CDK6: variants seen among roughly 807,000 people sequenced by gnomAD.
The protein encoded by CDK6 is cyclin-dependent kinase 6.
In CDK6, 6 loss-of-function variants were observed where a neutral mutation model predicts 37.1. The observed-to-expected ratio is 0.16, with a 90% CI of 0.09 to 0.32. The LOEUF (loss-of-function observed/expected upper bound fraction) is 0.32. Ranked by LOEUF, CDK6 falls within the 10% of genes least tolerant of loss-of-function variation. The pLI is 1.00. For missense variants in CDK6, 224 were observed against 418.9 expected (o/e 0.53, Z 4.06); for synonymous variants, 160 against 161.3 (o/e 0.99, Z 0.06).
chr7:92,625,278 A>G (rs1419599238), intron 5 of CDK6, among the ~76,000 whole-genome samples: 2 of 151,540 alleles, frequency 1.3e-5, no homozygotes, highest in Non-Finnish European at 2.9e-5. Flanking sequence ...TTCCTGGCCA[A>G]TATTATACAG....
chr7:92,674,960 T>C (rs1332004916), intron 4 of CDK6, among the ~76,000 whole-genome samples: 1 of 152,152 alleles, frequency 6.6e-6, no homozygotes, highest in Non-Finnish European at 1.5e-5. Flanking sequence ...GCCTCCCAGG[T>C]AGCTGGGACT....
chr7:92,631,546 G>A (rs190894227), intron 5 of CDK6, among the ~76,000 whole-genome samples: 1 of 152,290 alleles, frequency 6.6e-6, no homozygotes, highest in Admixed American at 6.5e-5. Flanking sequence ...AATTCAAGAT[G>A]TTATTTCTCT....
At chr7:92,759,931 A>T (rs1203919456) in intron 3 of CDK6, among the ~76,000 whole-genome samples, 1 of 152,090 alleles carries the variant, frequency 6.6e-6, no homozygotes, top group African/African-American at 2.4e-5. Flanking sequence ...TTCAAGAAAA[A>T]CTGAAAATGG....
At chr7:92,795,635 A>C (rs1158282628) in intron 2 of CDK6, among the ~76,000 whole-genome samples, 10 of 152,144 alleles carry the variant, frequency 6.6e-5, no homozygotes, top group Admixed American at 6.6e-4. Context: ...TCATTAAAAC[A>C]ATAGAAGAGA....
chr7:92,832,517 C>T (rs1801515605), intron 2 of CDK6, among the ~76,000 whole-genome samples: 1 of 152,168 alleles, frequency 6.6e-6, no homozygotes, highest in African/African-American at 2.4e-5. Flanking sequence ...ACTCCTTAGA[C>T]CACCAGGAGT....
At chr7:92,758,049 C>T (rs1419120529) in intron 3 of CDK6, among the ~76,000 whole-genome samples, 1 of 151,958 alleles carries the variant, frequency 6.6e-6, no homozygotes, top group African/African-American at 2.4e-5. Flanking sequence ...GATATTATAC[C>T]TTTGTCAGAT....
intron 2 of CDK6, among the ~76,000 whole-genome samples, chr7:92,784,961 A>G (rs1309225401): frequency 1.3e-5 from 2 of 152,186 alleles, no homozygotes; most frequent in Non-Finnish European, 2.9e-5. Context: ...AGACTCAAAC[A>G]CTAAAATATT....
In CDK6 at chr7:92,611,866, G is replaced by A. The variant is rs549190618; in HGVS notation, c.*3274C>T. 1 of 232,306 alleles carries A rather than the reference G, an allele frequency of 4.3e-6. No homozygotes were observed. 14.4% of individuals were successfully genotyped at this position (232,306 alleles called of 1,614,324 possible). A position where few individuals can be genotyped will look rare whatever the true frequency, so the allele number is the denominator to read the frequency against. ...CTAAATGAAAAGTCTGCCATTCACA[G>A]TGTGTGCTTCCTGAGAGAAAATCAT... On this transcript the variant is annotated 3_prime_UTR_variant, in exon 8 of 8. Coordinates refer to ENST00000424848, the MANE Select transcript of CDK6 (RefSeq NM_001145306.2).
intron 2 of CDK6, among the ~76,000 whole-genome samples, chr7:92,779,539 T>G (rs1198452154): frequency 6.6e-6 from 1 of 152,214 alleles, no homozygotes; most frequent in African/African-American, 2.4e-5. Flanking sequence ...ATTATTAACT[T>G]CATTCAGGAA....
At chr7:92,809,458 C>T (rs1237871740) in intron 2 of CDK6, among the ~76,000 whole-genome samples, 1 of 152,186 alleles carries the variant, frequency 6.6e-6, no homozygotes, top group Non-Finnish European at 1.5e-5. Context: ...AATTACCTTC[C>T]CTTACTTGGC....
At chr7:92,723,472 A>C (rs1798414992) in intron 4 of CDK6, among the ~76,000 whole-genome samples, 1 of 152,164 alleles carries the variant, frequency 6.6e-6, no homozygotes. Flanking sequence ...AGACACTAAA[A>C]ATACATACCA....
At chr7:92,688,134 G>GTA (rs1220872690) in intron 4 of CDK6, among the ~76,000 whole-genome samples, 1 of 152,046 alleles carries the variant, frequency 6.6e-6, no homozygotes, top group East Asian at 1.9e-4. Flanking sequence ...TTTCTCTTGG[G>GTA]TATATACAGG....
intron 4 of CDK6, among the ~76,000 whole-genome samples, chr7:92,717,482 G>T (rs1562945267): frequency 6.7e-6 from 1 of 150,156 alleles, no homozygotes; most frequent in East Asian, 1.9e-4. Flanking sequence ...AAGAAAGAAA[G>T]AAAGAAAAGA....
intron 2 of CDK6, among the ~76,000 whole-genome samples, chr7:92,792,587 G>A (rs1317873556): frequency 1.3e-5 from 2 of 152,062 alleles, no homozygotes; most frequent in African/African-American, 2.4e-5. Flanking sequence ...TATCTAGGAG[G>A]TGGAATCCAG....
At chr7:92,649,713 C>A (rs149043449) in intron 5 of CDK6, among the ~76,000 whole-genome samples, 1 of 152,286 alleles carries the variant, frequency 6.6e-6, no homozygotes, top group Non-Finnish European at 1.5e-5. Flanking sequence ...TTGGCCAAGG[C>A]TATACAGCTA....
At chr7:92,688,461 C>A (rs1174473712) in intron 4 of CDK6, among the ~76,000 whole-genome samples, 1 of 151,966 alleles carries the variant, frequency 6.6e-6, no homozygotes, top group Admixed American at 6.6e-5. Context: ...TAGTTCAAGA[C>A]AACTGTAAAA....
At chr7:92,673,058 T>C (rs1797126617) in intron 4 of CDK6, among the ~76,000 whole-genome samples, 2 of 152,208 alleles carry the variant, frequency 1.3e-5, no homozygotes, top group African/African-American at 4.8e-5. Flanking sequence ...AGGCCTTTTC[T>C]CTTGAGATGC....
chr7:92,828,136 ATTT>A (rs1420887398), intron 2 of CDK6, among the ~76,000 whole-genome samples: 1 of 152,036 alleles, frequency 6.6e-6, no homozygotes, highest in Non-Finnish European at 1.5e-5. Flanking sequence ...AACTATAGCT[ATTT>A]TAAATTATTA....
chr7:92,727,000 C>A (rs3731310), intron 3 of CDK6, among the ~76,000 whole-genome samples: 2,713 of 152,266 alleles, frequency 0.018, 96 homozygotes, highest in African/African-American at 0.063. Flanking sequence ...AGGAGCGGAT[C>A]ATTCAGGATA....
Sources: allele counts gnomAD v4.1 joint callset (sites outside exome capture counted in the v4.1 genomes callset), GRCh38; gene constraint gnomAD v4.1.1; transcripts MANE v1.5; gene names NCBI Gene and HGNC (gene_info 2026-07-23, HGNC 2026-07-21).